The following RPH3A variants were observed in gnomAD, a reference collection of about 807,000 sequenced individuals.
The protein encoded by RPH3A is rabphilin-3A.
A neutral mutation model predicts 102.2 loss-of-function variants in RPH3A; 48 were observed. The ratio of observed to expected loss-of-function variants is 0.47; its 90% confidence interval spans 0.37 to 0.60. The LOEUF (loss-of-function observed/expected upper bound fraction) is 0.60. Ranked by LOEUF, RPH3A falls within the 20% of genes least tolerant of loss-of-function variation. The probability of loss-of-function intolerance (pLI) is 0.00; values close to 1 mark genes in which losing one functional copy is unlikely to be tolerated. For synonymous variants in RPH3A, 310 were observed against 324.3 expected, an observed-to-expected ratio of 0.96 and a Z score of 0.47; for missense variants, 781 against 910.1, an observed-to-expected ratio of 0.86 and a Z score of 1.83.
chr12:112,690,799 G>C (rs1290626619), intron 1 of RPH3A, among the ~76,000 whole-genome samples: 1 of 152,166 alleles, frequency 6.6e-6, no homozygotes, highest in Non-Finnish European at 1.5e-5. Context: ...CTTTTTACAA[G>C]ATGGGATCAC....
At chr12:112,727,493 ACC>A (rs759135458) in intron 1 of RPH3A, among the ~76,000 whole-genome samples, 1 of 41,640 alleles carries the variant, frequency 2.4e-5, no homozygotes, top group African/African-American at 9.9e-5. Flanking sequence ...ACACACACAG[ACC>A]CCCCCCCCCC....
At chr12:112,646,175 A>G (rs558296491) in intron 1 of RPH3A, among the ~76,000 whole-genome samples, 51 of 152,314 alleles carry the variant, frequency 3.3e-4, no homozygotes, top group Non-Finnish European at 5.7e-4. Context: ...AAAGAAAAAT[A>G]TCTTGATTCG....
intron 6 of RPH3A, 63 bp from the exon 7 acceptor site, chr12:112,866,694 T>C: frequency 7.4e-7 from 1 of 1,352,672 alleles, no homozygotes; most frequent in Non-Finnish European, 1.0e-6. Context: ...AGTGGGGGGC[T>C]ACGTTGCCAT....
At chr12:112,853,375 A>AT (rs2042355517) in intron 5 of RPH3A, among the ~76,000 whole-genome samples, 3 of 152,122 alleles carry the variant, frequency 2.0e-5, no homozygotes, top group East Asian at 1.9e-4. Context: ...GTCTATGTGC[A>AT]TTTTTTTCTC....
chr12:112,710,167 G>A (rs1437653745), intron 1 of RPH3A, among the ~76,000 whole-genome samples: 2 of 152,076 alleles, frequency 1.3e-5, no homozygotes, highest in Non-Finnish European at 2.9e-5. Flanking sequence ...TAGTAGAGAC[G>A]GGGTTTCACC....
intron 5 of RPH3A, among the ~76,000 whole-genome samples, chr12:112,858,701 C>T (rs951066345): frequency 2.0e-5 from 3 of 152,248 alleles, no homozygotes; most frequent in Non-Finnish European, 4.4e-5. Context: ...TCACTGTCTA[C>T]TTGGCACATA....
intron 1 of RPH3A, chr12:112,591,471 G>A (rs1199934572): frequency 6.6e-6 from 1 of 152,250 alleles, no homozygotes; most frequent in Non-Finnish European, 1.5e-5. Flanking sequence ...AGTGGTCCCT[G>A]TAGCCATTTG....
intron 16 of RPH3A, among the ~76,000 whole-genome samples, chr12:112,887,218 G>A (rs748404788): frequency 7.2e-5 from 11 of 152,176 alleles, no homozygotes; most frequent in South Asian, 2.1e-4. Flanking sequence ...CCATAGCAGC[G>A]TTATTCATAA....
At chr12:112,654,436 C>T (rs757017635) in intron 1 of RPH3A, among the ~76,000 whole-genome samples, 4 of 151,520 alleles carry the variant, frequency 2.6e-5, no homozygotes, top group Non-Finnish European at 5.9e-5. Flanking sequence ...TGCTCCAGTT[C>T]CAACTTCTCA....
intron 19 of RPH3A, among the ~76,000 whole-genome samples, chr12:112,892,358 C>T (rs1471573636): frequency 6.6e-6 from 1 of 152,148 alleles, no homozygotes; most frequent in African/African-American, 2.4e-5. Context: ...CCAGAGGGGA[C>T]CCATAGAGAC....
chr12:112,712,235 G>T (rs376875472), intron 1 of RPH3A, among the ~76,000 whole-genome samples: 1 of 152,084 alleles, frequency 6.6e-6, no homozygotes, highest in African/African-American at 2.4e-5. Flanking sequence ...ACGCAGGCAC[G>T]CACGTAATCC....
intron 4 of RPH3A, among the ~76,000 whole-genome samples, chr12:112,840,150 T>C (rs1565912106): frequency 6.6e-6 from 1 of 152,202 alleles, no homozygotes; most frequent in Non-Finnish European, 1.5e-5. Flanking sequence ...ATTAATTTTT[T>C]CCCCAATGTT....
At chr12:112,870,206 G>A (rs113383594) in intron 10 of RPH3A, among the ~76,000 whole-genome samples, 167 bp downstream of exon 10, 2 of 151,626 alleles carry the variant, frequency 1.3e-5, no homozygotes, top group African/African-American at 4.9e-5. Context: ...AGGAAAGACA[G>A]GATTCAGAAA....
chr12:112,640,395 C>A (rs1317893292), intron 1 of RPH3A, among the ~76,000 whole-genome samples: 2 of 135,152 alleles, frequency 1.5e-5, no homozygotes, highest in African/African-American at 5.5e-5. Flanking sequence ...AAGGCTATGA[C>A]CTTAACCACT....
intron 1 of RPH3A, among the ~76,000 whole-genome samples, chr12:112,597,112 G>C (rs2039522837): frequency 2.0e-5 from 3 of 152,108 alleles, no homozygotes; most frequent in Admixed American, 1.3e-4. Flanking sequence ...AAAATCATAG[G>C]AAAAAGCTTG....
intron 1 of RPH3A, among the ~76,000 whole-genome samples, chr12:112,768,988 T>C (rs1016217265): frequency 6.6e-6 from 1 of 152,202 alleles, no homozygotes. Context: ...TCCCAGATTA[T>C]TGTTTCCTGT....
intron 3 of RPH3A, chr12:112,831,818 A>G (rs1041531733): frequency 8.8e-6 from 4 of 455,870 alleles, no homozygotes; most frequent in African/African-American, 8.0e-5. Flanking sequence ...TAAGCCAACA[A>G]ATTGCCCTTC....
chr12:112,848,911 C>T (rs1314930623), intron 5 of RPH3A, among the ~76,000 whole-genome samples: 1 of 152,178 alleles, frequency 6.6e-6, no homozygotes, highest in African/African-American at 2.4e-5. Context: ...TGGAGACTGG[C>T]TGCCGGGATA....
intron 1 of RPH3A, among the ~76,000 whole-genome samples, chr12:112,661,596 G>A (rs894132283): frequency 3.3e-5 from 5 of 152,180 alleles, no homozygotes; most frequent in Non-Finnish European, 5.9e-5. Flanking sequence ...CTATACATAT[G>A]GAAGGGATCT....
Sources: gnomAD v4.1 joint callset for allele counts (sites outside exome capture counted in the v4.1 genomes callset) on GRCh38, gnomAD v4.1.1 for gene constraint, MANE v1.5 for transcripts, NCBI Gene and HGNC (gene_info 2026-07-23, HGNC 2026-07-21) for gene names.